The following PPP3CA variants were observed in gnomAD, a reference collection of about 807,000 sequenced individuals.
PPP3CA encodes the protein protein phosphatase 3 catalytic subunit alpha.
In PPP3CA, 14 loss-of-function variants were observed where a neutral mutation model predicts 66.5. The ratio of observed to expected loss-of-function variants is 0.21; its 90% CI spans 0.14 to 0.33. The LOEUF (loss-of-function observed/expected upper bound fraction) is 0.33, where lower values mean the gene tolerates loss of function less well. Ranked by LOEUF, PPP3CA falls within the 10% of genes least tolerant of loss-of-function variation. The pLI, the probability that PPP3CA is intolerant of heterozygous loss-of-function variation, is 1.00. For missense variants in PPP3CA, 317 were observed against 639.5 expected (o/e 0.50, Z 5.44); for synonymous variants, 232 against 226.2 (o/e 1.03, Z -0.23).
chr4:101,158,386 G>A (rs943168600), intron 2 of PPP3CA: 1 of 152,246 alleles, frequency 6.6e-6, no homozygotes, highest in Non-Finnish European at 1.5e-5. Context: ...GCAGAGAAAA[G>A]TTGAAGCAGT....
intron 2 of PPP3CA, among the ~76,000 whole-genome samples, chr4:101,165,450 A>C (rs900618595): frequency 3.9e-5 from 6 of 152,150 alleles, no homozygotes; most frequent in Non-Finnish European, 7.4e-5. Context: ...ACACAAACTT[A>C]AACTGAACAT....
intron 1 of PPP3CA, among the ~76,000 whole-genome samples, chr4:101,295,853 T>C (rs1171100680): frequency 6.6e-6 from 1 of 152,200 alleles, no homozygotes; most frequent in Non-Finnish European, 1.5e-5. Context: ...AAAAAGAAAA[T>C]CACTCATTCT....
chr4:101,277,762 A>G (rs1727548496), intron 1 of PPP3CA, among the ~76,000 whole-genome samples: 1 of 152,180 alleles, frequency 6.6e-6, no homozygotes, highest in Non-Finnish European at 1.5e-5. Flanking sequence ...AGTACCTACT[A>G]TGGGCAAATC....
chr4:101,178,961 T>C (rs1334646299), intron 2 of PPP3CA, among the ~76,000 whole-genome samples: 2 of 152,112 alleles, frequency 1.3e-5, no homozygotes, highest in African/African-American at 2.4e-5. Flanking sequence ...AGATAATTAT[T>C]TCTATGACCC....
At chr4:101,122,534 A>G (rs1212743461) in intron 2 of PPP3CA, among the ~76,000 whole-genome samples, 2 of 152,208 alleles carry the variant, frequency 1.3e-5, no homozygotes, top group South Asian at 2.1e-4. Context: ...ATCAGAAATT[A>G]AGGAAAAGAA....
intron 1 of PPP3CA, among the ~76,000 whole-genome samples, chr4:101,214,478 TG>T (rs1435642351): frequency 1.3e-5 from 2 of 152,034 alleles, no homozygotes; most frequent in Non-Finnish European, 2.9e-5. Flanking sequence ...CCCTGAGTTG[TG>T]AGTTACCAGA....
intron 1 of PPP3CA, among the ~76,000 whole-genome samples, chr4:101,204,282 T>C (rs1560657086): frequency 6.6e-6 from 1 of 152,100 alleles, no homozygotes; most frequent in African/African-American, 2.4e-5. Context: ...GCTGGGATTA[T>C]TGGCATGAGC....
At chr4:101,315,142 T>C (rs1314344326) in intron 1 of PPP3CA, among the ~76,000 whole-genome samples, 1 of 152,146 alleles carries the variant, frequency 6.6e-6, no homozygotes, top group African/African-American at 2.4e-5. Context: ...GATTCACGTC[T>C]TTAAAAAAGA....
intron 1 of PPP3CA, among the ~76,000 whole-genome samples, chr4:101,205,645 CCATGCCCA>C (rs1725108167): frequency 1.3e-5 from 2 of 152,134 alleles, no homozygotes; most frequent in South Asian, 4.1e-4. Flanking sequence ...AACACATTTT[CCATGCCCA>C]CATGCCCACC....
chr4:101,224,278 C>G (rs992900891), intron 1 of PPP3CA, among the ~76,000 whole-genome samples: 4 of 151,672 alleles, frequency 2.6e-5, no homozygotes, highest in Non-Finnish European at 4.4e-5. Context: ...TAAAGGATTC[C>G]TAAGCATCTT....
At chr4:101,340,848 G>C (rs1281516304) in intron 1 of PPP3CA, among the ~76,000 whole-genome samples, 2 of 152,098 alleles carry the variant, frequency 1.3e-5, no homozygotes, top group Non-Finnish European at 2.9e-5. Flanking sequence ...TCAAACCAGA[G>C]CATCAGTGTG....
At chr4:101,187,072 T>C (rs1004692294) in intron 2 of PPP3CA, among the ~76,000 whole-genome samples, 1 of 152,096 alleles carries the variant, frequency 6.6e-6, no homozygotes, top group Non-Finnish European at 1.5e-5. Context: ...GGTACAAAGG[T>C]AGAAAGTGGC....
chr4:101,268,772 G>A (rs1031953472), intron 1 of PPP3CA, among the ~76,000 whole-genome samples: 1 of 151,910 alleles, frequency 6.6e-6, no homozygotes, highest in Non-Finnish European at 1.5e-5. Context: ...AGACTTCTGC[G>A]CACTCAAGAT....
At chr4:101,153,015 T>C (rs918375773) in intron 2 of PPP3CA, among the ~76,000 whole-genome samples, 1 of 152,110 alleles carries the variant, frequency 6.6e-6, no homozygotes. Flanking sequence ...TTCCATTAAA[T>C]GTTAGGTATC....
intron 1 of PPP3CA, among the ~76,000 whole-genome samples, chr4:101,311,844 T>C (rs1300863836): frequency 6.6e-6 from 1 of 152,166 alleles, no homozygotes; most frequent in African/African-American, 2.4e-5. Context: ...AAGCTCAGGT[T>C]CTGAACATAC....
chr4:101,157,198 G>A (rs1372199996), intron 2 of PPP3CA, among the ~76,000 whole-genome samples: 3 of 152,148 alleles, frequency 2.0e-5, no homozygotes, highest in African/African-American at 7.2e-5. Flanking sequence ...CACTTAGTAA[G>A]TGATGAAAAA....
At chr4:101,106,482 A>G (rs1730752936) in intron 3 of PPP3CA, among the ~76,000 whole-genome samples, 1 of 78,302 alleles carries the variant, frequency 1.3e-5, no homozygotes, top group African/African-American at 8.0e-5. Context: ...AAAGAAAAGA[A>G]AAGAAAAGAA....
chr4:101,337,546 C>T (rs1454933284), intron 1 of PPP3CA, among the ~76,000 whole-genome samples: 2 of 152,168 alleles, frequency 1.3e-5, no homozygotes, highest in African/African-American at 4.8e-5. Context: ...TTGCTGAATG[C>T]AAATCAACAG....
At chr4:101,106,449 GAAAGAGAAAAGAAAAGAAAAGAAAAGAAA>G in intron 3 of PPP3CA, among the ~76,000 whole-genome samples, 1 of 5,548 alleles carries the variant, frequency 1.8e-4, no homozygotes, top group Admixed American at 2.7e-3. Flanking sequence ...AAGAAAGAAA[GAAAGAGAAAAGAAAAGAAAAGAAAAGAAA>G]AGAAAAGAAA....
Sources: gnomAD v4.1 joint callset for allele counts (sites outside exome capture counted in the v4.1 genomes callset) on GRCh38, gnomAD v4.1.1 for gene constraint, MANE v1.5 for transcripts, NCBI Gene and HGNC (gene_info 2026-07-23, HGNC 2026-07-21) for gene names.